PARD3: variants seen among roughly 807,000 people sequenced by gnomAD.
PARD3 encodes par-3 family cell polarity regulator.
A neutral mutation model predicts 155.4 loss-of-function variants in PARD3; 75 were observed. That is an observed-to-expected ratio of 0.48 (90% CI 0.40 to 0.58). The LOEUF is 0.58. Among genes scored for constraint, PARD3 ranks in the 20% least tolerant of loss-of-function variants. PARD3 has a pLI of 0.00. For synonymous variants in PARD3, 576 were observed against 610.5 expected (o/e 0.94, Z 0.83); for missense variants, 1,642 against 1,721.7 (o/e 0.95, Z 0.82).
chr10:34,393,160 A>G (rs1472521911), intron 7 of PARD3, among the ~76,000 whole-genome samples: 1 of 151,320 alleles, frequency 6.6e-6, no homozygotes, highest in Non-Finnish European at 1.5e-5. Flanking sequence ...TAAAAAAAAA[A>G]AAAAAGTGTA....
At chr10:34,318,391 T>G (rs913634096) in intron 19 of PARD3, among the ~76,000 whole-genome samples, 1 of 152,210 alleles carries the variant, frequency 6.6e-6, no homozygotes, top group Non-Finnish European at 1.5e-5. Flanking sequence ...TTTTTCTTTT[T>G]CCAGCATCAA....
chr10:34,118,048 G>A (rs1227461641), intron 24 of PARD3, among the ~76,000 whole-genome samples: 2 of 152,170 alleles, frequency 1.3e-5, no homozygotes, highest in Admixed American at 1.3e-4. Flanking sequence ...CTTACTCTGA[G>A]CTGTTTCCTT....
At chr10:34,623,305 T>C (rs1356482475) in intron 2 of PARD3, among the ~76,000 whole-genome samples, 2 of 152,206 alleles carry the variant, frequency 1.3e-5, no homozygotes, top group Non-Finnish European at 2.9e-5. Flanking sequence ...ATAGCAGACA[T>C]GATTTCTGCA....
chr10:34,561,668 G>A (rs1183604032), intron 2 of PARD3, among the ~76,000 whole-genome samples: 4 of 151,846 alleles, frequency 2.6e-5, no homozygotes, highest in African/African-American at 7.3e-5. Context: ...ACAGGCGTGC[G>A]CCACCATGCC....
chr10:34,654,757 T>C (rs1194472106), intron 2 of PARD3, among the ~76,000 whole-genome samples: 1 of 152,166 alleles, frequency 6.6e-6, no homozygotes, highest in Non-Finnish European at 1.5e-5. Flanking sequence ...GCAGACACTC[T>C]GCCGTGATAT....
At chr10:34,790,781 C>T (rs1476327937) in intron 1 of PARD3, among the ~76,000 whole-genome samples, 1 of 152,146 alleles carries the variant, frequency 6.6e-6, no homozygotes. Context: ...AAACTGACTG[C>T]ATTTCTTTAA....
intron 22 of PARD3, among the ~76,000 whole-genome samples, chr10:34,247,338 C>T (rs1954020522): frequency 6.6e-6 from 1 of 152,046 alleles, no homozygotes; most frequent in Admixed American, 6.6e-5. Context: ...CTCATCTCTA[C>T]TAAAAATACA....
At chr10:34,336,277 G>C (rs1317094410) in intron 17 of PARD3, 34 bp from the exon 18 acceptor site, 1 of 1,556,406 alleles carries the variant, frequency 6.4e-7, no homozygotes, top group African/African-American at 1.4e-5. Context: ...AGTTAGCCCA[G>C]TTAGTTCCCA....
At chr10:34,688,475 T>C (rs1474304454) in intron 2 of PARD3, among the ~76,000 whole-genome samples, 1 of 152,222 alleles carries the variant, frequency 6.6e-6, no homozygotes, top group Admixed American at 6.5e-5. Context: ...ACTGTTTCAG[T>C]TTTTCCTAAT....
At chr10:34,243,846 A>G (rs1391314719) in intron 22 of PARD3, among the ~76,000 whole-genome samples, 6 of 152,126 alleles carry the variant, frequency 3.9e-5, no homozygotes, top group African/African-American at 1.2e-4. Flanking sequence ...ATCAAATTTG[A>G]CCTGCGCCAT....
chr10:34,531,962 C>T lies in PARD3; in HGVS notation c.223-14803G>A, dbSNP rs536031074. The stretch of plus-strand genomic sequence containing the variant: ...CATCACACTGCACTTTAAGCAGACA[C>T]GCACAACACTCGAGCTCACTGCAAG... On this transcript the variant is annotated intron_variant, in intron 2 of 24. Transcript: ENST00000374788. Among the ~76,000 whole-genome samples, 76 of 152,228 alleles carry T rather than the reference C, an allele frequency of 5.0e-4. 1 individual carries two copies. The highest frequency in any genetic ancestry group is 1.5e-3 in the African/African-American group (63 of 41,526).
chr10:34,751,230 G>T (rs1265902562), intron 1 of PARD3, among the ~76,000 whole-genome samples: 1 of 151,814 alleles, frequency 6.6e-6, no homozygotes, highest in Non-Finnish European at 1.5e-5. Context: ...AAAAAAAATA[G>T]CCTCGTATTT....
intron 3 of PARD3, among the ~76,000 whole-genome samples, chr10:34,498,056 A>G (rs914950493): frequency 6.6e-6 from 1 of 152,166 alleles, no homozygotes; most frequent in African/African-American, 2.4e-5. Context: ...TTTGATTTCC[A>G]TAAGATATAT....
chr10:34,479,386 C>T (rs1054616848), intron 3 of PARD3, among the ~76,000 whole-genome samples: 1 of 152,092 alleles, frequency 6.6e-6, no homozygotes, highest in African/African-American at 2.4e-5. Context: ...TGGACTCTAT[C>T]TCCTGACCTC....
chr10:34,123,626 G>C (rs988933640), intron 23 of PARD3, among the ~76,000 whole-genome samples: 21 of 151,760 alleles, frequency 1.4e-4, no homozygotes, highest in African/African-American at 5.1e-4. Context: ...GTAGAGGCAG[G>C]GTCTTGCTGT....
chr10:34,757,406 T>C (rs1836877351), intron 1 of PARD3, among the ~76,000 whole-genome samples: 2 of 152,318 alleles, frequency 1.3e-5, no homozygotes, highest in African/African-American at 4.8e-5. Flanking sequence ...TAAATTGTCT[T>C]TAAGAAAACA....
At chr10:34,456,463 A>AT (rs2077346980) in intron 4 of PARD3, among the ~76,000 whole-genome samples, 1 of 151,762 alleles carries the variant, frequency 6.6e-6, no homozygotes, top group Non-Finnish European at 1.5e-5. Context: ...TGCCTGGCTA[A>AT]TTTTTTGTAT....
chr10:34,307,610 AC>A (rs1240197348), intron 20 of PARD3, among the ~76,000 whole-genome samples: 2 of 152,136 alleles, frequency 1.3e-5, no homozygotes, highest in Non-Finnish European at 2.9e-5. Flanking sequence ...GGGTACATTT[AC>A]ACTGGCGTTG....
Position 34,516,966 on chromosome 10 carries a change from A to G in PARD3, c.403+13T>C. 1.2e-6 allele frequency: 2 copies of G among 1,610,288 alleles called. No homozygotes were observed. The highest frequency in any genetic ancestry group is 1.7e-6 in the Non-Finnish European group (2 of 1,176,830). ...TAAGATGAAATGGAAGAGAAGAAAG[A>G]GCTTTCACTTACTTGCTCGAAGGAC... On this transcript the variant is annotated intron_variant, in intron 3 of 24. Transcript: ENST00000374788.
Sources: gnomAD v4.1 joint callset for allele counts (sites outside exome capture counted in the v4.1 genomes callset) on GRCh38, gnomAD v4.1.1 for gene constraint, MANE v1.5 for transcripts, NCBI Gene and HGNC (gene_info 2026-07-23, HGNC 2026-07-21) for gene names.